CYREN: variants seen among roughly 807,000 people sequenced by gnomAD.
CYREN encodes cell cycle regulator of non-homologous end joining.
In CYREN, 7 loss-of-function variants were observed where a neutral mutation model predicts 9.7. The observed-to-expected ratio is 0.72, with a 90% CI of 0.41 to 1.36. The LOEUF (loss-of-function observed/expected upper bound fraction) is 1.36. Among genes scored for constraint, CYREN ranks in the 40% most tolerant of loss-of-function variants. The probability of loss-of-function intolerance (pLI) is 0.01; values close to 1 mark genes in which losing one functional copy is unlikely to be tolerated. For synonymous variants in CYREN, 76 were observed against 77.9 expected (o/e 0.98, Z 0.13); for missense variants, 215 against 198.1 (o/e 1.09, Z -0.51).
intron 2 of CYREN, among the ~76,000 whole-genome samples, chr7:135,103,438 T>A (rs576277223): frequency 6.6e-6 from 1 of 152,284 alleles, no homozygotes. Flanking sequence ...TGAGTTAGAG[T>A]ATAGAATATT....
upstream of CYREN, among the ~76,000 whole-genome samples, chr7:135,171,100 GGC>G (rs751513731): frequency 2.6e-5 from 4 of 152,218 alleles, no homozygotes; most frequent in Non-Finnish European, 4.4e-5. Context: ...ATGGGAGCCC[GGC>G]CTCGGTTTGT....
chr7:135,136,602 A>G (rs1562915786), intron 2 of CYREN, among the ~76,000 whole-genome samples: 2 of 152,054 alleles, frequency 1.3e-5, no homozygotes, highest in African/African-American at 4.8e-5. Context: ...CCAGAGGTTA[A>G]TGTTCCGGAT....
intron 2 of CYREN, among the ~76,000 whole-genome samples, chr7:135,103,542 A>G (rs1170495812): frequency 6.6e-6 from 1 of 152,158 alleles, no homozygotes; most frequent in Non-Finnish European, 1.5e-5. Context: ...ATCCGTCTGC[A>G]CTGTATTTAA....
intron 2 of CYREN, among the ~76,000 whole-genome samples, chr7:135,137,114 T>A (rs1013757219): frequency 2.6e-5 from 4 of 151,842 alleles, no homozygotes; most frequent in Admixed American, 2.0e-4. Flanking sequence ...TATATTTCCA[T>A]AGAAATTTAA....
intron 2 of CYREN, among the ~76,000 whole-genome samples, chr7:135,132,635 C>T (rs1013729021): frequency 4.6e-5 from 7 of 152,112 alleles, no homozygotes; most frequent in Admixed American, 1.3e-4. Context: ...AATTGAATCA[C>T]GGGAACAGTT....
chr7:135,155,816 A>T (rs1829778661), intron 2 of CYREN, among the ~76,000 whole-genome samples: 1 of 152,248 alleles, frequency 6.6e-6, no homozygotes, highest in Non-Finnish European at 1.5e-5. Flanking sequence ...GCACTACTGT[A>T]TTCCAGGTTG....
intron 2 of CYREN, among the ~76,000 whole-genome samples, chr7:135,098,457 A>G (rs62479693): frequency 0.051 from 7,761 of 152,278 alleles, 282 homozygotes; most frequent in Middle Eastern, 0.18. Flanking sequence ...CGTGTTTGGT[A>G]CAGATGCATT....
intron 2 of CYREN, among the ~76,000 whole-genome samples, chr7:135,131,616 T>A (rs537457551): frequency 6.6e-6 from 1 of 151,626 alleles, no homozygotes; most frequent in Admixed American, 6.6e-5. Flanking sequence ...ACATCTGAAA[T>A]CAATAATCTA....
At chr7:135,163,570 G>A (rs7798694), downstream of CYREN, among the ~76,000 whole-genome samples, 45,060 of 152,028 alleles carry the variant, frequency 0.3, 6,905 homozygotes, top group South Asian at 0.45. Flanking sequence ...GCTTGACCCC[G>A]GGAGGCAGAG....
chr7:135,123,360 GA>G (rs1160502384), intron 2 of CYREN, among the ~76,000 whole-genome samples: 1 of 152,076 alleles, frequency 6.6e-6, no homozygotes, highest in Non-Finnish European at 1.5e-5. Flanking sequence ...GAATAAAAAG[GA>G]ATCAACAAAG....
chr7:135,126,810 A>G (rs1827938622), intron 2 of CYREN, among the ~76,000 whole-genome samples: 1 of 152,248 alleles, frequency 6.6e-6, no homozygotes, highest in South Asian at 2.1e-4. Flanking sequence ...AAAACTGGCT[A>G]GCCATGTGCA....
chr7:135,125,903 T>C (rs1026566826), intron 2 of CYREN, among the ~76,000 whole-genome samples: 11 of 152,204 alleles, frequency 7.2e-5, no homozygotes, highest in Admixed American at 6.5e-4. Flanking sequence ...CTCAAAATAA[T>C]GAGAGCTATT....
downstream of CYREN, chr7:135,164,361 C>G: frequency 1.5e-6 from 2 of 1,376,750 alleles, no homozygotes; most frequent in Non-Finnish European, 2.0e-6. Context: ...ATGAGCTTGT[C>G]TGGACACAGG....
intron 2 of CYREN, among the ~76,000 whole-genome samples, chr7:135,095,730 C>T (rs1822568355): frequency 1.3e-5 from 2 of 152,104 alleles, no homozygotes; most frequent in Admixed American, 6.5e-5. Flanking sequence ...TTTTTTTCCC[C>T]TTGACTGCTG....
At chr7:135,158,518 C>A (rs1829849941) in intron 2 of CYREN, among the ~76,000 whole-genome samples, 2 of 152,368 alleles carry the variant, frequency 1.3e-5, no homozygotes, top group Admixed American at 6.5e-5. Context: ...CATGGCAGGG[C>A]AGGGGGTCTT....
At chr7:135,167,618 GGAA>G (rs1830267675) in intron 3 of CYREN, 111 bp downstream of exon 3, 1 of 1,513,392 alleles carries the variant, frequency 6.6e-7, no homozygotes, top group Non-Finnish European at 8.8e-7. Flanking sequence ...AGTGGCAGGA[GGAA>G]GAAGAGGTAG....
At chr7:135,104,250 T>C (rs918345988) in intron 2 of CYREN, among the ~76,000 whole-genome samples, 10 of 152,200 alleles carry the variant, frequency 6.6e-5, no homozygotes, top group African/African-American at 2.4e-4. Context: ...CATGATCTCA[T>C]TATTTTCATG....
At chr7:135,160,567 C>A (rs1829905363) in intron 2 of CYREN, among the ~76,000 whole-genome samples, 1 of 152,130 alleles carries the variant, frequency 6.6e-6, no homozygotes, top group Non-Finnish European at 1.5e-5. Flanking sequence ...TGAATTCTGT[C>A]CATAGTTCAA....
At chr7:135,131,283 G>A (rs1354981402) in intron 2 of CYREN, among the ~76,000 whole-genome samples, 2 of 151,990 alleles carry the variant, frequency 1.3e-5, no homozygotes, top group Non-Finnish European at 1.5e-5. Context: ...TGGACACATA[G>A]AGGGGAAAAT....
Sources: allele counts gnomAD v4.1 joint callset (sites outside exome capture counted in the v4.1 genomes callset), GRCh38; gene constraint gnomAD v4.1.1; transcripts MANE v1.5; gene names NCBI Gene and HGNC (gene_info 2026-07-23, HGNC 2026-07-21).